Variants in FARS2 observed in about 807,000 individuals in gnomAD.
The protein encoded by FARS2 is phenylalanyl-tRNA synthetase 2, mitochondrial.
Under a neutral mutation model 46.4 loss-of-function variants are expected in FARS2, and 40 were observed. The observed-to-expected ratio is 0.86, with a 90% CI of 0.67 to 1.12. The LOEUF (loss-of-function observed/expected upper bound fraction) is 1.12. Ranked by LOEUF, FARS2 falls within the 50% of genes most tolerant of loss-of-function variation. FARS2 has a pLI of 0.00. For missense variants in FARS2, 513 were observed against 567.9 expected, an observed-to-expected ratio of 0.90 and a Z score of 0.98; for synonymous variants, 234 against 214.9, an observed-to-expected ratio of 1.09 and a Z score of -0.78.
intron 5 of FARS2, among the ~76,000 whole-genome samples, chr6:5,560,243 C>T (rs916128730): frequency 6.6e-6 from 1 of 152,008 alleles, no homozygotes; most frequent in East Asian, 1.9e-4. Context: ...GGGGTGTTTC[C>T]TTCTACTTTG....
chr6:5,565,150 C>G (rs958587343), intron 5 of FARS2, among the ~76,000 whole-genome samples: 10 of 152,164 alleles, frequency 6.6e-5, no homozygotes, highest in Non-Finnish European at 1.5e-4. Flanking sequence ...TAAACATGCT[C>G]CAAATTTTGT....
At chr6:5,387,073 T>A (rs922118876) in intron 2 of FARS2, among the ~76,000 whole-genome samples, 15 of 152,074 alleles carry the variant, frequency 9.9e-5, no homozygotes, top group African/African-American at 3.4e-4. Flanking sequence ...AACCTAACTG[T>A]ATTTGTGAGA....
chr6:5,374,149 G>A (rs1453380757), intron 2 of FARS2, among the ~76,000 whole-genome samples: 1 of 152,148 alleles, frequency 6.6e-6, no homozygotes, highest in Non-Finnish European at 1.5e-5. Flanking sequence ...GGAGATGGAT[G>A]TAAGAGGATT....
chr6:5,614,411 C>CTTTTTTTTTTTTTTTTTTTTT (rs199992978), intron 6 of FARS2, among the ~76,000 whole-genome samples: 1 of 139,474 alleles, frequency 7.2e-6, no homozygotes, highest in African/African-American at 2.7e-5. Flanking sequence ...CCTTCTTTGT[C>CTTTTTTTTTTTTTTTTTTTTT]TTTTTTTTTT....
intron 4 of FARS2, among the ~76,000 whole-genome samples, chr6:5,482,028 G>A (rs191908339): frequency 7.2e-5 from 11 of 152,256 alleles, no homozygotes; most frequent in East Asian, 5.8e-4. Flanking sequence ...CTCATGAAAC[G>A]GAGAGGAAAG....
At chr6:5,586,458 T>G (rs1773618036) in intron 5 of FARS2, among the ~76,000 whole-genome samples, 1 of 152,198 alleles carries the variant, frequency 6.6e-6, no homozygotes, top group Admixed American at 6.5e-5. Flanking sequence ...TTGCATGATT[T>G]TTATCTGCAT....
At chr6:5,362,757 G>T (rs760408750) in intron 1 of FARS2, among the ~76,000 whole-genome samples, 1 of 151,724 alleles carries the variant, frequency 6.6e-6, no homozygotes, top group East Asian at 1.9e-4. Flanking sequence ...TTTCTTTTTG[G>T]TAATAGCGGT....
intron 6 of FARS2, among the ~76,000 whole-genome samples, chr6:5,668,448 C>T (rs1474575408): frequency 2.0e-5 from 3 of 152,148 alleles, no homozygotes; most frequent in Non-Finnish European, 4.4e-5. Flanking sequence ...ATGGCTGGTC[C>T]CCTGGTCAAA....
chr6:5,534,397 C>T (rs1228860283), intron 4 of FARS2, among the ~76,000 whole-genome samples: 1 of 152,208 alleles, frequency 6.6e-6, no homozygotes, highest in Middle Eastern at 3.2e-3. Context: ...ATTTTCATCG[C>T]TTCCACGAGA....
chr6:5,685,350 A>C (rs535170895), intron 6 of FARS2, among the ~76,000 whole-genome samples: 69 of 152,188 alleles, frequency 4.5e-4, no homozygotes, highest in Non-Finnish European at 8.1e-4. Flanking sequence ...GAAAAGATTT[A>C]GGTGGGGAGA....
chr6:5,713,485 A>G (rs566118462), intron 6 of FARS2, among the ~76,000 whole-genome samples: 83 of 152,362 alleles, frequency 5.4e-4, no homozygotes, highest in Middle Eastern at 6.8e-3. Context: ...TACAAAAGGA[A>G]TAGAGGTCTG....
chr6:5,696,824 A>C (rs1245043474), intron 6 of FARS2, among the ~76,000 whole-genome samples: 1 of 152,226 alleles, frequency 6.6e-6, no homozygotes, highest in Non-Finnish European at 1.5e-5. Flanking sequence ...GAAGACATTC[A>C]TTTATTAGGG....
intron 6 of FARS2, chr6:5,668,076 C>T (rs1278627214): frequency 6.6e-6 from 1 of 152,182 alleles, no homozygotes; most frequent in Non-Finnish European, 1.5e-5. Context: ...TGCTCAGCTC[C>T]TTCAGAAGTC....
chr6:5,758,093 G>A (rs1762302226), intron 6 of FARS2, among the ~76,000 whole-genome samples: 1 of 152,134 alleles, frequency 6.6e-6, no homozygotes, highest in South Asian at 2.1e-4. Flanking sequence ...TGCCATAACT[G>A]TGATACAGCT....
intron 5 of FARS2, among the ~76,000 whole-genome samples, chr6:5,561,741 G>A (rs755211886): frequency 6.6e-6 from 1 of 151,994 alleles, no homozygotes; most frequent in Non-Finnish European, 1.5e-5. Context: ...TCCTTGAATA[G>A]TGGCTCTCCT....
chr6:5,341,528 A>AT (rs1226255670), intron 1 of FARS2, among the ~76,000 whole-genome samples: 15 of 149,068 alleles, frequency 1.0e-4, no homozygotes, highest in African/African-American at 1.5e-4. Context: ...TATTTTATCT[A>AT]TTTTTTTTGA....
chr6:5,455,158 A>T (rs961541009), intron 4 of FARS2, among the ~76,000 whole-genome samples: 1 of 152,122 alleles, frequency 6.6e-6, no homozygotes. Context: ...TCCGGTTTTC[A>T]TTCAAAACCG....
At chr6:5,253,602 C>T in the FARS2 span, among the ~76,000 whole-genome samples, 1 of 152,234 alleles carries the variant, frequency 6.6e-6, no homozygotes, top group East Asian at 1.9e-4. Flanking sequence ...AGGTACAGTG[C>T]TGTGGTGGTT....
chr6:5,517,137 A>C (rs887984493), intron 4 of FARS2, among the ~76,000 whole-genome samples: 6 of 152,190 alleles, frequency 3.9e-5, no homozygotes, highest in Admixed American at 3.9e-4. Flanking sequence ...GCTGAATTTC[A>C]AAGAATGATA....
Sources: allele counts gnomAD v4.1 joint callset (sites outside exome capture counted in the v4.1 genomes callset), GRCh38; gene constraint gnomAD v4.1.1; transcripts MANE v1.5; gene names NCBI Gene and HGNC (gene_info 2026-07-23, HGNC 2026-07-21).